Variants in KIF5C observed in about 807,000 individuals in gnomAD.
The protein encoded by KIF5C is kinesin heavy chain isoform 5C.
Under a neutral mutation model 125.2 loss-of-function variants are expected in KIF5C, and 18 were observed. The observed-to-expected ratio is 0.14, with a 90% CI of 0.10 to 0.21. The LOEUF (loss-of-function observed/expected upper bound fraction) is 0.21, where lower values mean the gene tolerates loss of function less well. KIF5C is among the 10% of genes least tolerant of loss of function. KIF5C has a pLI of 1.00. For synonymous variants in KIF5C, 405 were observed against 434.0 expected (o/e 0.93, Z 0.83); for missense variants, 780 against 1,183.8 (o/e 0.66, Z 5.01).
intron 19 of KIF5C, among the ~76,000 whole-genome samples, chr2:148,999,106 A>G (rs1681771254): frequency 1.3e-5 from 2 of 152,194 alleles, no homozygotes; most frequent in African/African-American, 4.8e-5. Context: ...CTCTCAGGTG[A>G]CACCCCCTCA....
At chr2:149,006,728 TA>T (rs1415875513) in intron 22 of KIF5C, among the ~76,000 whole-genome samples, 1 of 152,108 alleles carries the variant, frequency 6.6e-6, no homozygotes, top group African/African-American at 2.4e-5. Flanking sequence ...GCTAGGCGAT[TA>T]GGTAGTAAGC....
At chr2:149,009,153 C>G (rs1334136684) in intron 23 of KIF5C, among the ~76,000 whole-genome samples, 14 of 151,296 alleles carry the variant, frequency 9.3e-5, no homozygotes, top group South Asian at 2.1e-4. Context: ...CCACTCCTGG[C>G]TAATTTTTTT....
intron 25 of KIF5C, among the ~76,000 whole-genome samples, chr2:149,019,758 G>C (rs1471724994): frequency 1.3e-5 from 2 of 152,204 alleles, no homozygotes; most frequent in East Asian, 3.8e-4. Context: ...TGTACTGTTT[G>C]GATTAAGCTT....
chr2:148,907,927 T>A (rs1681180550), intron 1 of KIF5C, among the ~76,000 whole-genome samples: 1 of 152,260 alleles, frequency 6.6e-6, no homozygotes, highest in South Asian at 2.1e-4. Context: ...ATTGGGGTCA[T>A]CTGGAGATCT....
Position 148,958,857 on chromosome 2 carries a change from G to A in KIF5C, c.969-3114G>A, listed in dbSNP as rs539663289. On this transcript the variant is annotated intron_variant, in intron 10 of 25. Coordinates refer to ENST00000435030, the MANE Select transcript of KIF5C (RefSeq NM_004522.3). ...AAATTAGCTGGGCGTGGTGGCGGGC[G>A]CCTGTAGTCCCAGCTACTCGGGAGG... Among the ~76,000 whole-genome samples the A allele has an allele frequency of 1.7e-4, 26 of 152,016 alleles. No homozygotes were observed. The South Asian group carries it at 3.1e-3, about 18-fold the overall frequency.
chr2:148,950,215 TC>T, intron 9 of KIF5C, 98 bp from the exon 10 acceptor site: 1 of 1,508,958 alleles, frequency 6.6e-7, no homozygotes, highest in Non-Finnish European at 8.9e-7. Flanking sequence ...CTTGTTTTAC[TC>T]GGTTTCTAAG....
chr2:148,966,594 T>C lies in KIF5C; in HGVS notation c.1117+4475T>C, dbSNP rs575443909. Among the ~76,000 whole-genome samples, 9 of 152,170 alleles carry C rather than the reference T, an allele frequency of 5.9e-5. No individual in the cohort carries two copies. The South Asian group carries it at 1.9e-3, about 32-fold the overall frequency. The stretch of plus-strand genomic sequence containing the variant: ...TACTGCACTATTACATGCCTAGAGG[T>C]TGCTCTCGCCCTCCCCCACACCTCC... On this transcript the variant is annotated intron_variant, in intron 11 of 25. Coordinates refer to ENST00000435030, the MANE Select transcript of KIF5C (RefSeq NM_004522.3).
intron 3 of KIF5C, among the ~76,000 whole-genome samples, chr2:148,931,035 C>G (rs550766101): frequency 1.3e-5 from 2 of 152,260 alleles, no homozygotes; most frequent in African/African-American, 4.8e-5. Flanking sequence ...AAAACTCCCT[C>G]CTAGGTCAGA....
intron 13 of KIF5C, among the ~76,000 whole-genome samples, chr2:148,980,507 C>T (rs958327876): frequency 1.3e-5 from 2 of 151,910 alleles, no homozygotes; most frequent in Non-Finnish European, 2.9e-5. Context: ...GTACATCCTT[C>T]TATATCTTCA....
At chr2:149,007,849 C>A (rs1682056775) in intron 22 of KIF5C, 114 bp from the exon 23 acceptor site, 2 of 1,198,952 alleles carry the variant, frequency 1.7e-6, no homozygotes, top group East Asian at 5.6e-5. Context: ...TCTATTTTCA[C>A]TTTCAGAATA....
chr2:148,969,715 T>G (rs757760227), intron 11 of KIF5C, among the ~76,000 whole-genome samples: 2 of 152,142 alleles, frequency 1.3e-5, no homozygotes, highest in Non-Finnish European at 2.9e-5. Flanking sequence ...ATAATCACCA[T>G]GTGGGGGCTT....
At chr2:149,011,832 A>G (rs1682217022) in intron 25 of KIF5C, 149 bp downstream of exon 25, 1 of 1,151,172 alleles carries the variant, frequency 8.7e-7, no homozygotes, top group Non-Finnish European at 1.2e-6. Context: ...ACAGAGACCC[A>G]GACCTGTCCT....
In KIF5C at chr2:148,924,806, G is replaced by A. The variant is rs1430494210; in HGVS notation, c.217+2579G>A. Among the ~76,000 whole-genome samples, 1 of 152,100 alleles carries A rather than the reference G, an allele frequency of 6.6e-6. No individual in the cohort carries two copies. Among genetic ancestry groups the A allele is most frequent in the Non-Finnish European group, 1.5e-5 (1 of 68,012 alleles). The stretch of plus-strand genomic sequence containing the variant: ...CAGATGATCCAGATGCTAGAGAAGG[G>A]GAAATTTCTTGTTTTCCAGTTCTGA... On this transcript the variant is annotated intron_variant, in intron 2 of 25. Coordinates refer to ENST00000435030, the MANE Select transcript of KIF5C (RefSeq NM_004522.3). The surrounding 1 kb of genome is among the most constrained non-coding windows in gnomAD (Gnocchi z 4.0).
At chr2:148,988,242 AG>A (rs1681435367) in intron 15 of KIF5C, among the ~76,000 whole-genome samples, 1 of 152,176 alleles carries the variant, frequency 6.6e-6, no homozygotes, top group Non-Finnish European at 1.5e-5. Context: ...TGTAGTGGTA[AG>A]AAACCTCACA....
intron 16 of KIF5C, among the ~76,000 whole-genome samples, chr2:148,991,826 A>G (rs1681534710): frequency 6.6e-6 from 1 of 152,222 alleles, no homozygotes; most frequent in African/African-American, 2.4e-5. Context: ...GGGCTTTTCA[A>G]GCCCGAGGGT....
intron 4 of KIF5C, among the ~76,000 whole-genome samples, chr2:148,938,163 T>C (rs191857410): frequency 6.7e-6 from 1 of 149,816 alleles, no homozygotes; most frequent in East Asian, 1.9e-4. Context: ...GGCACTTGTT[T>C]AAGCAAATAG....
Position 148,937,098 on chromosome 2 carries a change from A to T in KIF5C, c.292-186A>T, listed in dbSNP as rs73966656. 0.15 allele frequency among the ~76,000 whole-genome samples: 22,775 copies of T among 152,152 alleles called. 2,536 individuals are homozygous for T. The highest frequency in any genetic ancestry group is 0.3 in the African/African-American group (12,635 of 41,446). On this transcript the variant is annotated intron_variant, in intron 3 of 25. Transcript: ENST00000435030. ...CCTGCTGGATAAACAGGCCAACACA[A>T]TGAGTTTTTCCACCAACTTCTGGTC... is the stretch of plus-strand genomic sequence containing the variant.
chr2:148,994,520 G>C lies in KIF5C; in HGVS notation c.2005G>C (p.Ala669Pro). ...CCAGGACTCGCTCAGCGAAGAGCTG[G>C]CAAAGCTCCGAGCCCAGGGTAAATA... ...ESQDSLSEEL[A>P]KLRAQEKMHE... The change falls in exon 17 of 26, where the codon GCA (alanine) becomes CCA (proline). Residue 669 changes from alanine (A) to proline (P), a missense_variant. Ala to Pro is a conservative substitution (Grantham distance 27, BLOSUM62 -1). Around this residue, in one of 2 missense-constraint regions of KIF5C, gnomAD observed 573 missense variants for 742.6 expected, o/e 0.77. Transcript: ENST00000435030. 3 of 1,564,346 alleles carry C rather than the reference G, an allele frequency of 1.9e-6. No homozygotes were observed. Among genetic ancestry groups the C allele is most frequent in the Non-Finnish European group, 2.6e-6 (3 of 1,154,422 alleles).
At chr2:148,992,125 A>G (rs548684046) in intron 16 of KIF5C, among the ~76,000 whole-genome samples, 101 of 152,364 alleles carry the variant, frequency 6.6e-4, no homozygotes, top group Non-Finnish European at 1.1e-3. Context: ...TTATTCTGGT[A>G]TGCTTTTAAC....
Sources: gnomAD v4.1 joint callset for allele counts (sites outside exome capture counted in the v4.1 genomes callset) on GRCh38, gnomAD v4.1.1 for gene constraint, gnomAD v4.1.1 regional missense constraint, Gnocchi (gnomAD v3.1) non-coding constraint, MANE v1.5 for transcripts, NCBI Gene and HGNC (gene_info 2026-07-23, HGNC 2026-07-21) for gene names.